RRP12: variants seen among roughly 807,000 people sequenced by gnomAD.
RRP12 encodes the protein ribosomal RNA processing 12 homolog.
RRP12 carries 78 observed loss-of-function variants against 157.3 expected under a neutral mutation model. The observed-to-expected ratio is 0.50, with a 90% CI of 0.41 to 0.60. The LOEUF (loss-of-function observed/expected upper bound fraction) is 0.60. Ranked by LOEUF, RRP12 falls within the 20% of genes least tolerant of loss-of-function variation. The pLI is 0.00. For missense variants in RRP12, 1,521 were observed against 1,679.9 expected (o/e 0.91, Z 1.65); for synonymous variants, 726 against 670.9 (o/e 1.08, Z -1.27).
chr10:97,379,343 C>T lies in RRP12; in HGVS notation c.1748G>A (p.Gly583Asp), dbSNP rs2133064769. The change falls in exon 15 of 34, where the codon GGT becomes GAT. Residue 583 changes from glycine to aspartate, a missense_variant. By Grantham distance (94) the Gly-to-Asp change is moderately conservative. Transcript: ENST00000370992. ...IRDHVQETRL[G>D]FFTTYFLPLA... Reference sequence around the variant, plus strand: ...GGGCAAGAAGTAGGTGGTGAAAAAACCAAGTCGCGTTTCCTGAACATGGTC... The same window carrying T: ...GGGCAAGAAGTAGGTGGTGAAAAAATCAAGTCGCGTTTCCTGAACATGGTC... 4 of 1,614,184 alleles carry T rather than the reference C, an allele frequency of 2.5e-6. No individual in the cohort carries two copies. Among genetic ancestry groups the T allele is most frequent in the South Asian group, 1.1e-5 (1 of 91,084 alleles).
intron 32 of RRP12, 39 bp downstream of exon 32, chr10:97,358,904 C>G (rs1160839056): frequency 1.3e-6 from 2 of 1,521,648 alleles, no homozygotes; most frequent in Non-Finnish European, 1.8e-6. Flanking sequence ...GGCACCTGTC[C>G]AGTGCCAGGA....
intron 8 of RRP12, among the ~76,000 whole-genome samples, chr10:97,387,357 G>T (rs1589434631): frequency 7.0e-6 from 1 of 141,888 alleles, no homozygotes. Flanking sequence ...TTTTGACATG[G>T]GGTTCTTGCT....
In RRP12 at chr10:97,373,690, G is replaced by A; in HGVS notation, c.1911C>T (p.Ala637=). Residue 637 remains alanine, a synonymous_variant, in exon 17 of 34, where the codon GCC becomes GCT. Transcript: ENST00000370992. ...PGFCTRPTDV[A]ISFKGLARTL... The stretch of plus-strand genomic sequence containing the variant: ...TCCGTGCCAGCCCTTTGAAGGAGAT[G>A]GCCACATCTGTAGGCCTTGTGCAGA... 7.4e-6 allele frequency: 12 copies of A among 1,613,914 alleles called. No individual in the cohort carries two copies. The highest frequency in any genetic ancestry group is 1.0e-5 in the Non-Finnish European group (12 of 1,179,890).
downstream of RRP12, chr10:97,356,452 A>G (rs1010399556): frequency 5.3e-5 from 8 of 152,262 alleles, no homozygotes; most frequent in African/African-American, 1.9e-4. Flanking sequence ...TGCCCAGGAC[A>G]GCTGGGGCAG....
At chr10:97,389,406 T>C (rs889701165) in intron 6 of RRP12, among the ~76,000 whole-genome samples, 8 of 152,110 alleles carry the variant, frequency 5.3e-5, no homozygotes, top group Non-Finnish European at 1.0e-4. Flanking sequence ...GGGCTGCTAC[T>C]TTTTATACAG....
chr10:97,369,382 A>G (rs1422749006), intron 25 of RRP12, 43 bp downstream of exon 25: 1 of 1,598,182 alleles, frequency 6.3e-7, no homozygotes, highest in Admixed American at 1.7e-5. Context: ...CCAACAGCTC[A>G]GAGGCCACCC....
rs1348695838 is a variant in RRP12 at position 97,369,595 on chromosome 10, G to A, written c.2798-13C>T. The A allele has an allele frequency of 6.4e-7, 1 of 1,553,074 alleles. No individual in the cohort carries two copies. The highest frequency in any genetic ancestry group is 2.0e-5 in the Admixed American group (1 of 51,122). On this transcript the variant is annotated splice_polypyrimidine_tract_variant and intron_variant, in intron 24 of 33. Transcript: ENST00000370992. ...GTCCCCATCAGACCTGTGGCAGTGAGGGGGTCACTGTCTAAGACACCCAGG... is the reference window on the plus strand; with the variant it reads ...GTCCCCATCAGACCTGTGGCAGTGAAGGGGTCACTGTCTAAGACACCCAGG...
Position 97,379,915 on chromosome 10 carries a change from C to T in RRP12, c.1534-145G>A, listed in dbSNP as rs552885305. ...TACAGACTGAGAACCCAATTAACCA[C>T]TGGTGACTGTAAAATCCCAGGGCCT... On this transcript the variant is annotated intron_variant, in intron 13 of 33. Coordinates refer to ENST00000370992, the MANE Select transcript of RRP12 (RefSeq NM_015179.4). 32 of 654,362 alleles carry T rather than the reference C, an allele frequency of 4.9e-5. No individual in the cohort carries two copies. The Admixed American group carries it at 8.3e-4, about 17-fold the overall frequency. 40.5% of individuals were successfully genotyped at this position (654,362 alleles called of 1,614,324 possible).
chr10:97,398,705 T>C (rs1845054921), intron 2 of RRP12, among the ~76,000 whole-genome samples: 1 of 152,102 alleles, frequency 6.6e-6, no homozygotes, highest in Non-Finnish European at 1.5e-5. Context: ...ATCTATTTAC[T>C]AGAAAACATA....
chr10:97,358,106 A>G (rs934599491), intron 33 of RRP12, among the ~76,000 whole-genome samples: 1 of 152,164 alleles, frequency 6.6e-6, no homozygotes, highest in Non-Finnish European at 1.5e-5. Context: ...AGGCTGAGGC[A>G]TGCAGATCAT....
chr10:97,372,064 G>T lies in RRP12; in HGVS notation c.2343+9C>A. The stretch of plus-strand genomic sequence containing the variant: ...TGGCTGTGTGGCGCTCCTGGCCCCC[G>T]AGGCTCACCTCTAGGTAGGGCCGGA... On this transcript the variant is annotated intron_variant, in intron 20 of 33. Transcript: ENST00000370992. The T allele has an allele frequency of 6.2e-7, 1 of 1,605,958 alleles. No homozygotes were observed. The highest frequency in any genetic ancestry group is 8.5e-7 in the Non-Finnish European group (1 of 1,174,420).
intron 1 of RRP12, 97 bp from the exon 2 acceptor site, chr10:97,400,631 A>G: frequency 8.6e-6 from 8 of 929,028 alleles, no homozygotes; most frequent in Non-Finnish European, 1.3e-5. Context: ...CAAATCTCCA[A>G]CCCGAGAGGC....
chr10:97,392,240 G>A (rs1199289240), intron 4 of RRP12, among the ~76,000 whole-genome samples: 6 of 151,738 alleles, frequency 4.0e-5, no homozygotes, highest in Non-Finnish European at 8.8e-5. Flanking sequence ...CAAAGTGCTG[G>A]GATTATAGGT....
At chr10:97,395,154 AAAC>A (rs1844920675) in intron 3 of RRP12, among the ~76,000 whole-genome samples, 1 of 152,040 alleles carries the variant, frequency 6.6e-6, no homozygotes, top group African/African-American at 2.4e-5. Context: ...AAAACAAAAC[AAAC>A]AACAACAAAA....
In RRP12 at chr10:97,370,526, G is replaced by A; in HGVS notation, c.2618C>T (p.Ala873Val). 2 of 1,609,750 alleles carry A rather than the reference G, an allele frequency of 1.2e-6. No individual in the cohort carries two copies. The highest frequency in any genetic ancestry group is 1.7e-6 in the Non-Finnish European group (2 of 1,178,596). ...ILCTKEVSVG[A>V]RKNAFALLVE... The stretch of plus-strand genomic sequence containing the variant: ...GAGCAGTGCAAAAGCGTTCTTCCGT[G>A]CGCCCACCGACACCTCCTTGGTGCA... The change falls in exon 23 of 34, where the codon GCA becomes GTA. Residue 873 changes from alanine to valine, a missense_variant. Ala to Val is a moderately conservative substitution (Grantham distance 64, BLOSUM62 0). Transcript: ENST00000370992.
chr10:97,381,120 A>C (rs1258764464), intron 12 of RRP12, among the ~76,000 whole-genome samples: 4 of 152,216 alleles, frequency 2.6e-5, no homozygotes, highest in Non-Finnish European at 4.4e-5. Context: ...CTAGTGCTTA[A>C]AGAAAAACCA....
rs775239219 is a variant in RRP12, at chr10:97,379,276, G to C, written c.1798+17C>G. ...GTGGGGAGCCTCAGGTCACACACAG[G>C]CAAGGGTCTCTCCTACCTTTGCTCT... is the stretch of plus-strand genomic sequence containing the variant. On this transcript the variant is annotated intron_variant, in intron 15 of 33. Coordinates refer to ENST00000370992, the MANE Select transcript of RRP12 (RefSeq NM_015179.4). 1 of 1,613,186 alleles carries C rather than the reference G, an allele frequency of 6.2e-7. No individual in the cohort carries two copies. The highest frequency in any genetic ancestry group is 8.5e-7 in the Non-Finnish European group (1 of 1,179,426).
chr10:97,385,885 C>G lies in RRP12; in HGVS notation c.1116+10G>C. 1 of 1,586,836 alleles carries G rather than the reference C, an allele frequency of 6.3e-7. No individual in the cohort carries two copies. Among genetic ancestry groups the G allele is most frequent in the Non-Finnish European group, 8.6e-7 (1 of 1,163,840 alleles). ...ACCTAATGCCCCCACATCCCACCAA[C>G]AGGCCTCACCGTGATGATCTGGGCG... On this transcript the variant is annotated intron_variant, in intron 9 of 33. Coordinates refer to ENST00000370992, the MANE Select transcript of RRP12 (RefSeq NM_015179.4).
chr10:97,386,515 A>G (rs72833942), intron 8 of RRP12, among the ~76,000 whole-genome samples: 1 of 152,116 alleles, frequency 6.6e-6, no homozygotes, highest in African/African-American at 2.4e-5. Flanking sequence ...TTGTTTATCC[A>G]AAGAGAAAAT....
Sources: gnomAD v4.1 joint callset for allele counts (sites outside exome capture counted in the v4.1 genomes callset) on GRCh38, gnomAD v4.1.1 for gene constraint, MANE v1.5 for transcripts, NCBI Gene and HGNC (gene_info 2026-07-23, HGNC 2026-07-21) for gene names.